ESRRG: variants seen among roughly 807,000 people sequenced by gnomAD.
The protein encoded by ESRRG is estrogen related receptor gamma.
A neutral mutation model predicts 44.0 loss-of-function variants in ESRRG; 13 were observed. That is an observed-to-expected ratio of 0.30 (90% CI 0.19 to 0.47). The LOEUF (loss-of-function observed/expected upper bound fraction) is 0.47. Ranked by LOEUF, ESRRG falls within the 20% of genes least tolerant of loss-of-function variation. The probability of loss-of-function intolerance (pLI) is 1.00; values close to 1 mark genes in which losing one functional copy is unlikely to be tolerated. For synonymous variants in ESRRG, 215 were observed against 214.6 expected (o/e 1.00, Z -0.02); for missense variants, 395 against 580.6 (o/e 0.68, Z 3.29).
At chr1:216,814,289 G>A (rs1365570295) in intron 2 of ESRRG, among the ~76,000 whole-genome samples, 1 of 152,150 alleles carries the variant, frequency 6.6e-6, no homozygotes, top group Non-Finnish European at 1.5e-5. Context: ...TTTTTGGGGT[G>A]GAAGAGAATT....
At chr1:216,887,163 A>G (rs1034630402) in intron 2 of ESRRG, among the ~76,000 whole-genome samples, 1 of 152,162 alleles carries the variant, frequency 6.6e-6, no homozygotes, top group African/African-American at 2.4e-5. Context: ...ACAGTCATTA[A>G]GCATACAGAG....
intron 1 of ESRRG, among the ~76,000 whole-genome samples, chr1:216,957,184 A>G (rs1221077354): frequency 6.6e-6 from 1 of 151,822 alleles, no homozygotes; most frequent in African/African-American, 2.4e-5. Flanking sequence ...ATTGTTGCTC[A>G]CCTCCCAGTC....
chr1:216,902,444 C>T lies in ESRRG; in HGVS notation c.-14+37138G>A, dbSNP rs530320005. On this transcript the variant is annotated intron_variant, in intron 2 of 7. Coordinates refer to the ESRRG transcript ENST00000359162. ...GCAGAGGTTGCAGTGAGCCAGATCG[C>T]GCCACTGCACTCCAGCCTAGGCAAC... Among the ~76,000 whole-genome samples the T allele has an allele frequency of 6.0e-5, 9 of 150,206 alleles. No homozygotes were observed. In the South Asian group the frequency reaches 6.3e-4, roughly 11 times the overall value.
At chr1:216,719,803 C>T (rs564161660) in intron 1 of ESRRG, among the ~76,000 whole-genome samples, 1 of 152,138 alleles carries the variant, frequency 6.6e-6, no homozygotes, top group African/African-American at 2.4e-5. Context: ...ACCGCTGCAA[C>T]ACACTAGGCT....
At chr1:216,553,190 T>C (rs941390302) in intron 5 of ESRRG, among the ~76,000 whole-genome samples, 2 of 152,056 alleles carry the variant, frequency 1.3e-5, no homozygotes, top group African/African-American at 4.8e-5. Flanking sequence ...TCTCCCTCTC[T>C]CCCTCTGCAG....
At chr1:216,887,030 G>A (rs887206608) in intron 2 of ESRRG, among the ~76,000 whole-genome samples, 14 of 152,010 alleles carry the variant, frequency 9.2e-5, no homozygotes, top group Non-Finnish European at 1.8e-4. Flanking sequence ...GAGCCACGTC[G>A]CCCCGCCCCT....
chr1:216,712,769 T>G (rs996753182), intron 1 of ESRRG, among the ~76,000 whole-genome samples: 5 of 152,218 alleles, frequency 3.3e-5, no homozygotes, highest in Non-Finnish European at 7.3e-5. Flanking sequence ...GAGCAACAGC[T>G]TAAAAGCATG....
At chr1:216,636,472 C>T (rs750284515) in intron 3 of ESRRG, among the ~76,000 whole-genome samples, 4 of 152,144 alleles carry the variant, frequency 2.6e-5, no homozygotes, top group Non-Finnish European at 5.9e-5. Context: ...TCATTGTGAT[C>T]GAAAAGAGAC....
chr1:217,056,691 A>G (rs11572404), intron 1 of ESRRG, among the ~76,000 whole-genome samples: 16,467 of 150,582 alleles, frequency 0.11, 1,159 homozygotes, highest in Non-Finnish European at 0.14. Context: ...TAGTTTTTCA[A>G]TCCTTTGACT....
At chr1:216,580,887 C>A (rs1219067140) in intron 3 of ESRRG, among the ~76,000 whole-genome samples, 1 of 152,206 alleles carries the variant, frequency 6.6e-6, no homozygotes, top group East Asian at 1.9e-4. Context: ...GCGTTCCCCT[C>A]ACGCTGACCT....
chr1:217,122,186 A>G (rs946143939), intron 1 of ESRRG, among the ~76,000 whole-genome samples: 4 of 152,198 alleles, frequency 2.6e-5, no homozygotes, highest in African/African-American at 9.6e-5. Context: ...CTTCTTTTAT[A>G]TGCTAAATAA....
intron 1 of ESRRG, among the ~76,000 whole-genome samples, chr1:217,044,501 G>A (rs370279882): frequency 9.2e-5 from 14 of 152,212 alleles, no homozygotes; most frequent in South Asian, 4.1e-4. Flanking sequence ...GGTTCCTAAC[G>A]TAATTCACAT....
chr1:216,546,811 TTATATA>T (rs10535177), intron 5 of ESRRG, among the ~76,000 whole-genome samples: 1 of 149,314 alleles, frequency 6.7e-6, no homozygotes. Context: ...TGCTATCTCT[TTATATA>T]TATATATATA....
chr1:216,613,520 C>T (rs1258531262), intron 3 of ESRRG, among the ~76,000 whole-genome samples: 1 of 152,188 alleles, frequency 6.6e-6, no homozygotes, highest in Non-Finnish European at 1.5e-5. Context: ...GTGGAAAGCA[C>T]CTTAAAATCT....
intron 5 of ESRRG, among the ~76,000 whole-genome samples, chr1:216,561,611 C>T (rs914200981): frequency 5.9e-5 from 9 of 152,130 alleles, no homozygotes; most frequent in Non-Finnish European, 8.8e-5. Flanking sequence ...CCTCTACTGA[C>T]CAACCTCCTG....
intron 1 of ESRRG, among the ~76,000 whole-genome samples, chr1:216,708,706 A>G (rs1448451157): frequency 6.6e-6 from 1 of 152,204 alleles, no homozygotes; most frequent in East Asian, 1.9e-4. Flanking sequence ...CAGCAATCCC[A>G]TTACTGGGTA....
intron 1 of ESRRG, among the ~76,000 whole-genome samples, chr1:216,988,892 T>A (rs1303370128): frequency 2.6e-5 from 4 of 152,064 alleles, no homozygotes; most frequent in Non-Finnish European, 5.9e-5. Context: ...CTAAAGAAAA[T>A]GAAAGGGCCT....
At chr1:216,704,304 A>C (rs2813670) in intron 1 of ESRRG, among the ~76,000 whole-genome samples, 128,424 of 152,118 alleles carry the variant, frequency 0.84, 54,246 homozygotes, top group South Asian at 0.91. Flanking sequence ...ACCTGAGGTC[A>C]GGCGTTCAAG....
chr1:216,921,272 C>A (rs929670739), intron 2 of ESRRG, among the ~76,000 whole-genome samples: 1 of 152,026 alleles, frequency 6.6e-6, no homozygotes, highest in Non-Finnish European at 1.5e-5. Flanking sequence ...GCCTCTTAGT[C>A]GCATGGTGAC....
Sources: gnomAD v4.1 joint callset for allele counts (sites outside exome capture counted in the v4.1 genomes callset) on GRCh38, gnomAD v4.1.1 for gene constraint, MANE v1.5 for transcripts, NCBI Gene and HGNC (gene_info 2026-07-23, HGNC 2026-07-21) for gene names.